The following NFU1 variants were observed in gnomAD, a reference collection of about 807,000 sequenced individuals.
NFU1 encodes the protein NFU1 iron-sulfur cluster scaffold.
NFU1 carries 30 observed loss-of-function variants against 32.2 expected under a neutral mutation model. That is an observed-to-expected ratio of 0.93 (90% confidence interval 0.70 to 1.26). The LOEUF (loss-of-function observed/expected upper bound fraction) is 1.26. Among genes scored for constraint, NFU1 ranks in the 50% most tolerant of loss-of-function variants. The pLI is 0.00. For synonymous variants in NFU1, 112 were observed against 104.6 expected (o/e 1.07, Z -0.43); for missense variants, 306 against 306.6 (o/e 1.00, Z 0.02).
In NFU1 at chr2:69,406,080, A is replaced by T. The variant is rs1420479231; in HGVS notation, c.487T>A (p.Ser163Thr). 1 of 1,577,728 alleles carries T rather than the reference A, an allele frequency of 6.3e-7. No homozygotes were observed. The highest frequency in any genetic ancestry group is 1.1e-5 in the South Asian group (1 of 90,276). Residue 163 changes from serine to threonine, a missense_variant and splice_region_variant, in exon 6 of 8, where the codon TCT becomes ACT. By Grantham distance (58) the Ser-to-Thr change is moderately conservative. Transcript: ENST00000410022. ...GCCACAACTTCATCATCTTCTTCAG[A>T]TCCTAGAAATAATTACATATAAAAA... ...TEETPSGEAG[S>T]EEDDEVVAMI...
chr2:69,423,255 T>A (rs1462841848), intron 3 of NFU1, among the ~76,000 whole-genome samples: 2 of 26,522 alleles, frequency 7.5e-5, no homozygotes, highest in Admixed American at 6.5e-4. Context: ...TGTGTGTGTG[T>A]GTGTGTGTGT....
intron 4 of NFU1, among the ~76,000 whole-genome samples, chr2:69,415,810 C>T (rs1196498668): frequency 1.3e-5 from 2 of 152,104 alleles, no homozygotes; most frequent in South Asian, 2.1e-4. Context: ...TGAGCCACAG[C>T]GCCTGGCCCC....
chr2:69,435,885 T>C (rs1485818571), intron 1 of NFU1, among the ~76,000 whole-genome samples: 1 of 151,004 alleles, frequency 6.6e-6, no homozygotes, highest in Admixed American at 6.6e-5. Flanking sequence ...CCCAACTCGC[T>C]GGGATTACAG....
chr2:69,400,005 T>A (rs1047821125), intron 7 of NFU1, among the ~76,000 whole-genome samples: 2 of 152,144 alleles, frequency 1.3e-5, no homozygotes, highest in Non-Finnish European at 2.9e-5. Flanking sequence ...CCCAAGTAGC[T>A]GGGATTACAG....
In NFU1 at chr2:69,419,628, G is replaced by T. The variant is rs749252242; in HGVS notation, c.303-24C>A. 8.7e-6 allele frequency: 12 copies of T among 1,376,870 alleles called. No homozygotes were observed. The South Asian group carries it at 1.2e-4, about 14-fold the overall frequency. 85.3% of individuals were successfully genotyped at this position (1,376,870 alleles called of 1,614,324 possible). On this transcript the variant is annotated intron_variant, in intron 3 of 7. Coordinates refer to ENST00000410022, the MANE Select transcript of NFU1 (RefSeq NM_001002755.4). ...GCCTGCAAAAAAAGAAAAAATAAGA[G>T]ATATTAAAATGCTTGATTATGGAAA... is the stretch of plus-strand genomic sequence containing the variant.
At chr2:69,407,678 AAAAAAAAAAAAAAGAAAAG>A (rs1672742245) in intron 5 of NFU1, among the ~76,000 whole-genome samples, 1 of 149,874 alleles carries the variant, frequency 6.7e-6, no homozygotes, top group African/African-American at 2.4e-5. Flanking sequence ...CTATCTCAAA[AAAAAAAAAAAAAAGAAAAG>A]AAAAAGAAAA....
intron 4 of NFU1, chr2:69,416,084 GGAAAAGAAAAGAGATAAAAA>G (rs1044938318): frequency 1.7e-4 from 26 of 150,786 alleles, no homozygotes; most frequent in African/African-American, 5.8e-4. Context: ...AAAAGGGAAA[GGAAAAGAAAAGAGATAAAAA>G]GAAAAGAAAA....
intron 2 of NFU1, among the ~76,000 whole-genome samples, chr2:69,426,219 G>A (rs932707937): frequency 7.2e-5 from 11 of 151,830 alleles, no homozygotes; most frequent in Admixed American, 2.0e-4. Flanking sequence ...CGATCCATCC[G>A]CCTCGGCCTC....
chr2:69,423,239 TGTGA>T (rs1255132213), intron 3 of NFU1, among the ~76,000 whole-genome samples: 1 of 40,884 alleles, frequency 2.4e-5, no homozygotes, highest in African/African-American at 2.1e-4. Context: ...GGGCTCTCTG[TGTGA>T]GTGTGTGTGT....
intron 5 of NFU1, among the ~76,000 whole-genome samples, chr2:69,408,982 G>A (rs1322952329): frequency 6.7e-6 from 1 of 148,452 alleles, no homozygotes; most frequent in African/African-American, 2.5e-5. Context: ...TGGAATTACA[G>A]GTGCCTGCCA....
intron 3 of NFU1, among the ~76,000 whole-genome samples, chr2:69,423,243 A>AGTGT (rs772105664): frequency 0.019 from 1,628 of 87,938 alleles, 47 homozygotes; most frequent in East Asian, 0.034. Context: ...TCTCTGTGTG[A>AGTGT]GTGTGTGTGT....
chr2:69,439,042 G>A (rs1404378081), upstream of NFU1, among the ~76,000 whole-genome samples: 2 of 151,936 alleles, frequency 1.3e-5, no homozygotes, highest in Non-Finnish European at 2.9e-5. Flanking sequence ...CTCTCTGATG[G>A]ATTCCTTATC....
chr2:69,428,954 T>C (rs893791139), intron 2 of NFU1, among the ~76,000 whole-genome samples: 1 of 152,180 alleles, frequency 6.6e-6, no homozygotes, highest in Non-Finnish European at 1.5e-5. Context: ...AGAAAAAAAT[T>C]GAAAGTGAAC....
chr2:69,415,113 C>A, intron 5 of NFU1, 72 bp downstream of exon 5: 1 of 798,214 alleles, frequency 1.3e-6, no homozygotes, highest in Non-Finnish European at 2.2e-6. Context: ...CTTCTGAAAT[C>A]AAGGTAAATG....
chr2:69,399,708 T>G (rs1378762064), intron 7 of NFU1, among the ~76,000 whole-genome samples: 1 of 152,118 alleles, frequency 6.6e-6, no homozygotes, highest in Non-Finnish European at 1.5e-5. Flanking sequence ...TGTGTTACAT[T>G]TTAAACCTTT....
chr2:69,412,390 T>C (rs1456790020), intron 5 of NFU1, among the ~76,000 whole-genome samples: 1 of 150,946 alleles, frequency 6.6e-6, no homozygotes, highest in Non-Finnish European at 1.5e-5. Context: ...AAAATTTTCA[T>C]TTATTTATTT....
chr2:69,421,719 C>T (rs1673251029), intron 3 of NFU1, among the ~76,000 whole-genome samples: 1 of 151,988 alleles, frequency 6.6e-6, no homozygotes, highest in Non-Finnish European at 1.5e-5. Flanking sequence ...AGGCGCCCGC[C>T]ACCACATCCG....
At chr2:69,432,809 T>A (rs1673688255) in intron 1 of NFU1, among the ~76,000 whole-genome samples, 1 of 152,036 alleles carries the variant, frequency 6.6e-6, no homozygotes, top group Admixed American at 6.5e-5. Context: ...ATAACCTATA[T>A]TACCTGTTTT....
intron 2 of NFU1, among the ~76,000 whole-genome samples, chr2:69,425,937 A>C (rs1255827333): frequency 6.6e-6 from 1 of 152,224 alleles, no homozygotes; most frequent in Non-Finnish European, 1.5e-5. Flanking sequence ...CATAAGCAAG[A>C]ATCTATGCAA....
Sources: gnomAD v4.1 joint callset for allele counts (sites outside exome capture counted in the v4.1 genomes callset) on GRCh38, gnomAD v4.1.1 for gene constraint, MANE v1.5 for transcripts, NCBI Gene and HGNC (gene_info 2026-07-23, HGNC 2026-07-21) for gene names.